Variants in CYP2A6 observed in about 807,000 individuals in gnomAD.
CYP2A6 encodes cytochrome P450 2A6.
A neutral mutation model predicts 42.3 loss-of-function variants in CYP2A6; 27 were observed. The ratio of observed to expected loss-of-function variants is 0.64; its 90% CI spans 0.47 to 0.88. The LOEUF (loss-of-function observed/expected upper bound fraction) is 0.88. CYP2A6 is among the 40% of genes least tolerant of loss of function. The pLI, the probability that CYP2A6 is intolerant of heterozygous loss-of-function variation, is 0.00. For synonymous variants in CYP2A6, 238 were observed against 246.3 expected (o/e 0.97, Z 0.31); for missense variants, 628 against 646.0 (o/e 0.97, Z 0.30).
At position 40,845,512 on chromosome 19, in the gene CYP2A6, T is replaced by C. The variant is rs1022019586; in HGVS notation, c.974-31A>G. ...GGAGGAGGGGGAATGTGTTTAGGTATCTAGGGGTCTCAGAGCAGGAAATGA... is the reference window on the plus strand; with the variant it reads ...GGAGGAGGGGGAATGTGTTTAGGTACCTAGGGGTCTCAGAGCAGGAAATGA... On this transcript the variant is annotated intron_variant, in intron 6 of 8. Coordinates refer to ENST00000301141, the MANE Select transcript of CYP2A6 (RefSeq NM_000762.6). The C allele has an allele frequency of 3.7e-6, 6 of 1,608,100 alleles. No homozygotes were observed. In the African/African-American group the frequency reaches 8.1e-5, roughly 22 times the overall value.
Position 40,845,286 on chromosome 19 carries a change from G to C in CYP2A6, c.1161+8C>G. 1.9e-6 allele frequency: 3 copies of C among 1,611,476 alleles called. No individual in the cohort carries two copies. The highest frequency in any genetic ancestry group is 2.5e-6 in the Non-Finnish European group (3 of 1,179,822). On this transcript the variant is annotated splice_region_variant and intron_variant, in intron 7 of 8. Coordinates refer to ENST00000301141, the MANE Select transcript of CYP2A6 (RefSeq NM_000762.6). ...CCCCGTAGTCTGGGGGGTGGGGGCG[G>C]ATAGCACCTTAGGGAGGAAGAAATC...
chr19:40,846,808 C>A, intron 5 of CYP2A6, 67 bp downstream of exon 5: 1 of 1,582,374 alleles, frequency 6.3e-7, no homozygotes, highest in South Asian at 1.2e-5. Context: ...CATCTGCCTG[C>A]CCCACTCCCA....
intron 3 of CYP2A6, 60 bp downstream of exon 3, chr19:40,848,554 G>C: frequency 2.5e-6 from 4 of 1,595,538 alleles, no homozygotes; most frequent in Non-Finnish European, 3.4e-6. Context: ...GAACGCGCGC[G>C]GGTTCCTCGT....
intron 4 of CYP2A6, among the ~76,000 whole-genome samples, chr19:40,847,923 G>A (rs1327663969): frequency 2.6e-5 from 4 of 151,742 alleles, no homozygotes; most frequent in African/African-American, 9.7e-5. Flanking sequence ...TAGAAATTAC[G>A]GTAAGTTGGG....
intron 7 of CYP2A6, 151 bp from the exon 8 acceptor site, chr19:40,844,923 A>G: frequency 9.8e-7 from 1 of 1,019,656 alleles, no homozygotes; most frequent in Middle Eastern, 3.2e-4. Context: ...GCTTTGGGGG[A>G]TAGAAGGTTC....
At chr19:40,850,068 C>G in intron 1 of CYP2A6, 88 bp from the exon 2 acceptor site, 1 of 1,562,318 alleles carries the variant, frequency 6.4e-7, no homozygotes, top group Non-Finnish European at 8.7e-7. Context: ...TGGGATGCTT[C>G]GCACCCAGGT....
Position 40,846,870 on chromosome 19 carries a change from T to C in CYP2A6, c.831+5A>G. On this transcript the variant is annotated splice_donor_5th_base_variant and intron_variant, in intron 5 of 8. Coordinates refer to ENST00000301141, the MANE Select transcript of CYP2A6 (RefSeq NM_000762.6). ...CATCTCCCCGCAGTGGCTGCTGGGGTGTACCTCCTGCATGCGGATGAGAAA... is the reference window on the plus strand; with the variant it reads ...CATCTCCCCGCAGTGGCTGCTGGGGCGTACCTCCTGCATGCGGATGAGAAA... The C allele has an allele frequency of 6.2e-7, 1 of 1,611,008 alleles. No homozygotes were observed. Among genetic ancestry groups the C allele is most frequent in the East Asian group, 2.3e-5 (1 of 43,388 alleles).
chr19:40,844,089 G>A, intron 8 of CYP2A6, 112 bp from the exon 9 acceptor site: 1 of 1,466,846 alleles, frequency 6.8e-7, no homozygotes, highest in East Asian at 2.6e-5. Context: ...GAATATTATG[G>A]CCTGAGAGAG....
At chr19:40,847,309 T>G (rs1967118037) in intron 4 of CYP2A6, among the ~76,000 whole-genome samples, 1 of 151,502 alleles carries the variant, frequency 6.6e-6, no homozygotes, top group African/African-American at 2.4e-5. Flanking sequence ...CGAGGCTGGA[T>G]TGGAGCACAC....
chr19:40,846,263 G>A (rs1230773886), intron 5 of CYP2A6, among the ~76,000 whole-genome samples, 166 bp from the exon 6 acceptor site: 1 of 151,502 alleles, frequency 6.6e-6, no homozygotes. Flanking sequence ...CTGGCTGCTG[G>A]CTTTGCCCAA....
intron 4 of CYP2A6, among the ~76,000 whole-genome samples, 187 bp from the exon 5 acceptor site, chr19:40,847,238 C>T (rs1967117244): frequency 6.6e-6 from 1 of 151,488 alleles, no homozygotes; most frequent in Admixed American, 6.6e-5. Context: ...GTACCAGGGC[C>T]ACGGTCTAGT....
intron 2 of CYP2A6, among the ~76,000 whole-genome samples, chr19:40,849,050 GAGAGA>G (rs1230074850): frequency 9.0e-6 from 1 of 110,990 alleles, no homozygotes; most frequent in Non-Finnish European, 1.9e-5. Context: ...AGAGAGGAGA[GAGAGA>G]GAGAGAGAGA....
rs533171831 is a variant in CYP2A6, at chr19:40,848,130, C to T, written c.654+89G>A. ...TTTTGAGGGGACACTGTCTGGAGGGCGGTGGGAGTTTGGGGCACCTGTCTC... is the reference window on the plus strand; with the variant it reads ...TTTTGAGGGGACACTGTCTGGAGGGTGGTGGGAGTTTGGGGCACCTGTCTC... On this transcript the variant is annotated intron_variant, in intron 4 of 8. Coordinates refer to ENST00000301141, the MANE Select transcript of CYP2A6 (RefSeq NM_000762.6). 5 of 1,573,152 alleles carry T rather than the reference C, an allele frequency of 3.2e-6. 1 individual carries two copies. In the African/African-American group the frequency reaches 4.1e-5, roughly 13 times the overall value.
At chr19:40,846,669 C>G (rs568362425) in intron 5 of CYP2A6, among the ~76,000 whole-genome samples, 1 of 151,194 alleles carries the variant, frequency 6.6e-6, no homozygotes, top group South Asian at 2.1e-4. Flanking sequence ...AGGCTGGTCT[C>G]GAACTCCTGA....
intron 1 of CYP2A6, 91 bp from the exon 2 acceptor site, chr19:40,850,071 AC>A: frequency 6.4e-7 from 1 of 1,558,408 alleles, no homozygotes; most frequent in Non-Finnish European, 8.7e-7. Flanking sequence ...GATGCTTCGC[AC>A]CCAGGTTCTC....
At chr19:40,846,614 T>G (rs1967103815) in intron 5 of CYP2A6, among the ~76,000 whole-genome samples, 1 of 151,342 alleles carries the variant, frequency 6.6e-6, no homozygotes. Context: ...CATGCCCAAC[T>G]AATTTTTGGA....
At position 40,849,042 on chromosome 19, in the gene CYP2A6, AGAG is replaced by A. The variant is rs1967168834; in HGVS notation, c.344-282_344-280del. On this transcript the variant is annotated intron_variant, in intron 2 of 8. Coordinates refer to ENST00000301141, the MANE Select transcript of CYP2A6 (RefSeq NM_000762.6). ...GAGAGGAGAGAGAGAGAGAAGAGAG[AGAG>A]GAGAGAGAGAGAGAGAGAGAGAGAG... Among the ~76,000 whole-genome samples, 5 of 43,414 alleles carry A rather than the reference AGAG, an allele frequency of 1.2e-4. 1 individual carries two copies. Among genetic ancestry groups the A allele is most frequent in the East Asian group, 8.9e-4 (1 of 1,128 alleles). The allele number at this position is 43,414 out of a possible 152,430, so 28.5% of individuals were successfully genotyped here.
rs1599776267 is a variant in CYP2A6 at position 40,843,760 on chromosome 19, C to T, written c.*36G>A. On this transcript the variant is annotated 3_prime_UTR_variant, in exon 9 of 9. Transcript: ENST00000301141. Reference sequence around the variant, plus strand: ...GGTCTTGGCCCTGCCCTTTCCCTGGCCCCGCCCACCAGACCTGCACCGGCA... The same window carrying T: ...GGTCTTGGCCCTGCCCTTTCCCTGGTCCCGCCCACCAGACCTGCACCGGCA... 1.3e-6 allele frequency: 2 copies of T among 1,517,868 alleles called. No individual in the cohort carries two copies. The highest frequency in any genetic ancestry group is 3.0e-5 in the East Asian group (1 of 33,610). 94.0% of individuals were successfully genotyped at this position (1,517,868 alleles called of 1,614,324 possible).
rs1265457431 is a variant in CYP2A6 at position 40,848,987 on chromosome 19, G to GGA, written c.344-226_344-225dup. Among the ~76,000 whole-genome samples the GGA allele has an allele frequency of 3.4e-3, 304 of 89,988 alleles. 17 individuals carry two copies. Among genetic ancestry groups the GGA allele is most frequent in the African/African-American group, 7.4e-3 (140 of 18,930 alleles). The allele number at this position is 89,988 out of a possible 152,430, so 59.0% of individuals were successfully genotyped here. A position where few individuals can be genotyped will look rare whatever the true frequency, so the allele number is the denominator to read the frequency against. ...GAGAGAGAGAGAGAGAAGAGAGAGA[G>GGA]GAGAGAGAGAGAGAGAGAGAGAGAA... On this transcript the variant is annotated intron_variant, in intron 2 of 8. Transcript: ENST00000301141.
Sources: gnomAD v4.1 joint callset for allele counts (sites outside exome capture counted in the v4.1 genomes callset) on GRCh38, gnomAD v4.1.1 for gene constraint, MANE v1.5 for transcripts, NCBI Gene and HGNC (gene_info 2026-07-23, HGNC 2026-07-21) for gene names.